Variants in JMY observed in about 807,000 individuals in gnomAD.
JMY encodes the protein junction mediating and regulatory protein, p53 cofactor.
Under a neutral mutation model 103.3 loss-of-function variants are expected in JMY, and 46 were observed. The observed-to-expected ratio is 0.45, with a 90% confidence interval of 0.35 to 0.57. JMY has a LOEUF of 0.57. Ranked by LOEUF, JMY falls within the 20% of genes least tolerant of loss-of-function variation. The pLI is 0.00. For missense variants in JMY, 1,238 were observed against 1,255.2 expected (o/e 0.99, Z 0.21); for synonymous variants, 526 against 489.3 (o/e 1.07, Z -0.99).
chr5:79,315,353 A>AT (rs200544518), intron 9 of JMY, among the ~76,000 whole-genome samples: 2 of 151,366 alleles, frequency 1.3e-5, no homozygotes, highest in South Asian at 2.1e-4. Flanking sequence ...TAAGGTTACT[A>AT]TTTTTTTTTC....
intron 4 of JMY, among the ~76,000 whole-genome samples, chr5:79,298,234 AT>A (rs1746622526): frequency 6.6e-6 from 1 of 152,310 alleles, no homozygotes; most frequent in African/African-American, 2.4e-5. Flanking sequence ...GTAATCTTAG[AT>A]TAAGGTTTTT....
chr5:79,259,574 G>C (rs1380989447), intron 1 of JMY, among the ~76,000 whole-genome samples: 2 of 152,190 alleles, frequency 1.3e-5, no homozygotes, highest in African/African-American at 2.4e-5. Context: ...GAGTGTCTGT[G>C]GGCCAGCGCT....
rs1744599634 is a variant in JMY at position 79,238,628 on chromosome 5, A to AC, written c.1032+951dup. On this transcript the variant is annotated intron_variant, in intron 1 of 10. Coordinates refer to ENST00000396137, the MANE Select transcript of JMY (RefSeq NM_152405.5). ...GCAATTGAGATTGGTGGAGAAATGCACCCCCGCCCTCCGCGCCTTCTTTTT... is the reference window on the plus strand; with the variant it reads ...GCAATTGAGATTGGTGGAGAAATGCACCCCCCGCCCTCCGCGCCTTCTTTTT... 2.1e-5 allele frequency among the ~76,000 whole-genome samples: 3 copies of AC among 142,172 alleles called. No homozygotes were observed. In the Admixed American group the frequency reaches 2.2e-4, roughly 10 times the overall value. 93.3% of individuals were successfully genotyped at this position (142,172 alleles called of 152,430 possible).
chr5:79,236,803 C>A lies in JMY; in HGVS notation c.153C>A (p.Ala51=). The part of the protein sequence containing the change: ...KFAITCHNRT[A]QRQRSGSREQ... Reference sequence around the variant, plus strand: ...CCATAACCTGCCACAACCGGACGGCCCAGAGGCAGAGGAGCGGCTCCCGGG... The same window carrying A: ...CCATAACCTGCCACAACCGGACGGCACAGAGGCAGAGGAGCGGCTCCCGGG... Residue 51 remains alanine (A), a synonymous_variant, in exon 1 of 11, where the codon GCC becomes GCA. Transcript: ENST00000396137. 6.7e-7 allele frequency: 1 copy of A among 1,491,822 alleles called. No homozygotes were observed. Among genetic ancestry groups the A allele is most frequent in the Non-Finnish European group, 8.9e-7 (1 of 1,117,856 alleles). 92.4% of individuals were successfully genotyped at this position (1,491,822 alleles called of 1,614,324 possible).
At chr5:79,316,349 C>T (rs773294045) in intron 10 of JMY, 39 bp downstream of exon 10, 3 of 1,459,048 alleles carry the variant, frequency 2.1e-6, no homozygotes, top group South Asian at 2.5e-5. Flanking sequence ...TTCAGTAATA[C>T]AGGTTTTATA....
At chr5:79,246,415 G>T (rs1373444567) in intron 1 of JMY, among the ~76,000 whole-genome samples, 1 of 152,126 alleles carries the variant, frequency 6.6e-6, no homozygotes, top group African/African-American at 2.4e-5. Flanking sequence ...AGATCTTTGT[G>T]TACATTATCT....
At chr5:79,304,374 A>T (rs753169240) in intron 6 of JMY, among the ~76,000 whole-genome samples, 1 of 152,196 alleles carries the variant, frequency 6.6e-6, no homozygotes, top group Non-Finnish European at 1.5e-5. Flanking sequence ...AACATGCCCA[A>T]GGTCACTGGC....
chr5:79,263,840 C>T (rs1745498288), intron 1 of JMY, among the ~76,000 whole-genome samples: 1 of 151,996 alleles, frequency 6.6e-6, no homozygotes, highest in Non-Finnish European at 1.5e-5. Flanking sequence ...TCTTGTCGCC[C>T]AGGCTGGAGT....
chr5:79,325,840 A>G lies in JMY; in HGVS notation c.*4238A>G, dbSNP rs1747622644. ...GTTGCCTAAACTATGTTATGTAAGC[A>G]AAGGGTTTGGAAAGGCGGGAGGGAG... is the stretch of plus-strand genomic sequence containing the variant. On this transcript the variant is annotated 3_prime_UTR_variant, in exon 11 of 11. Transcript: ENST00000396137. The G allele has an allele frequency of 6.6e-6, 1 of 152,168 alleles. No homozygotes were observed. Among genetic ancestry groups the G allele is most frequent in the Non-Finnish European group, 1.5e-5 (1 of 68,002 alleles). The allele number at this position is 152,168 out of a possible 1,614,324, so 9.4% of individuals were successfully genotyped here. A position where few individuals can be genotyped will look rare whatever the true frequency, so the allele number is the denominator to read the frequency against.
At chr5:79,247,135 T>G (rs1199139898) in intron 1 of JMY, among the ~76,000 whole-genome samples, 1 of 152,162 alleles carries the variant, frequency 6.6e-6, no homozygotes, top group African/African-American at 2.4e-5. Flanking sequence ...AAGTGATAAA[T>G]TTAAATGTTG....
intron 1 of JMY, among the ~76,000 whole-genome samples, chr5:79,262,025 C>G (rs1054899617): frequency 3.3e-5 from 5 of 152,348 alleles, no homozygotes; most frequent in Non-Finnish European, 5.9e-5. Flanking sequence ...CAAAGCTTTA[C>G]TTTCCAGGCC....
At position 79,236,612 on chromosome 5, in the gene JMY, G is replaced by A. The variant is rs185760926; in HGVS notation, c.-39G>A. The A allele has an allele frequency of 1.3e-3, 1,772 of 1,345,736 alleles. 20 individuals are homozygous for A. In the African/African-American group the frequency reaches 0.024, roughly 18 times the overall value. The allele number at this position is 1,345,736 out of a possible 1,614,324, so 83.4% of individuals were successfully genotyped here. On this transcript the variant is annotated 5_prime_UTR_variant, in exon 1 of 11. Transcript: ENST00000396137. ...AGCGGGGAGTCCTCGGGCGGGCCGG[G>A]CCGGCGGCCCTTCCCCGCGGCGAGA...
At chr5:79,289,774 T>C (rs1306323730) in intron 2 of JMY, among the ~76,000 whole-genome samples, 1 of 148,516 alleles carries the variant, frequency 6.7e-6, no homozygotes, top group African/African-American at 2.6e-5. Flanking sequence ...TTTAAGTAAT[T>C]TGGGGGGGGG....
intron 7 of JMY, among the ~76,000 whole-genome samples, chr5:79,306,717 A>G (rs758974447): frequency 2.6e-5 from 4 of 152,102 alleles, no homozygotes; most frequent in African/African-American, 9.7e-5. Flanking sequence ...TCCACTGTCA[A>G]CATCCCCCAG....
intron 1 of JMY, among the ~76,000 whole-genome samples, chr5:79,258,577 C>A (rs553869046): frequency 6.6e-6 from 1 of 152,082 alleles, no homozygotes; most frequent in African/African-American, 2.4e-5. Flanking sequence ...TGGGGTCTGG[C>A]CACTGCATAC....
chr5:79,251,673 C>G (rs1745087725), intron 1 of JMY, among the ~76,000 whole-genome samples: 1 of 151,558 alleles, frequency 6.6e-6, no homozygotes, highest in Admixed American at 6.6e-5. Flanking sequence ...CCCTCAACTT[C>G]CTTCCTACCC....
intron 2 of JMY, chr5:79,284,985 G>A: frequency 9.9e-7 from 1 of 1,011,102 alleles, no homozygotes; most frequent in South Asian, 1.4e-5. Flanking sequence ...GAAACTAGAC[G>A]AACCTCTAGA....
chr5:79,275,223 C>T lies in JMY; in HGVS notation c.1033-2687C>T, dbSNP rs527475221. ...CCCACCAGGCTGGAGTGCAGTGGCG[C>T]GATCTCAGCTCACTGCAAGCTCCGC... On this transcript the variant is annotated intron_variant, in intron 1 of 10. Coordinates refer to ENST00000396137, the MANE Select transcript of JMY (RefSeq NM_152405.5). 2.4e-3 allele frequency among the ~76,000 whole-genome samples: 352 copies of T among 149,568 alleles called. 1 individual carries two copies. The highest frequency in any genetic ancestry group is 4.0e-3 in the Non-Finnish European group (273 of 67,648).
chr5:79,296,397 T>A (rs1746563030), intron 4 of JMY, among the ~76,000 whole-genome samples: 1 of 152,264 alleles, frequency 6.6e-6, no homozygotes, highest in Admixed American at 6.5e-5. Flanking sequence ...TTACTAATTC[T>A]CATGTTCATT....
Sources: gnomAD v4.1 joint callset for allele counts (sites outside exome capture counted in the v4.1 genomes callset) on GRCh38, gnomAD v4.1.1 for gene constraint, MANE v1.5 for transcripts, NCBI Gene and HGNC (gene_info 2026-07-23, HGNC 2026-07-21) for gene names.